The following FHIT variants were observed in gnomAD, a reference collection of about 807,000 sequenced individuals.
FHIT encodes fragile histidine triad diadenosine triphosphatase.
FHIT carries 19 observed loss-of-function variants against 17.9 expected under a neutral mutation model. The observed-to-expected ratio is 1.06, with a 90% CI of 0.74 to 1.56. FHIT has a LOEUF of 1.56. Ranked by LOEUF, FHIT falls within the 40% of genes most tolerant of loss-of-function variation. The pLI, the probability that FHIT is intolerant of heterozygous loss-of-function variation, is 0.00. For missense variants in FHIT, 248 were observed against 189.2 expected, an observed-to-expected ratio of 1.31 and a Z score of -1.82; for synonymous variants, 81 against 69.7, an observed-to-expected ratio of 1.16 and a Z score of -0.81.
At position 60,321,453 on chromosome 3, in the gene FHIT, T is replaced by A. The variant is rs1368897373; in HGVS notation, c.103+215407A>T. Among the ~76,000 whole-genome samples the A allele has an allele frequency of 2.0e-5, 3 of 151,960 alleles. No individual in the cohort carries two copies. The East Asian group carries it at 5.8e-4, about 29-fold the overall frequency. On this transcript the variant is annotated intron_variant, in intron 5 of 9. Coordinates refer to ENST00000492590, the MANE Select transcript of FHIT (RefSeq NM_002012.4). ...ACTGCACCACTGTACTCCAGCCTGG[T>A]GACAGATCAAGACTAGGTCTCAAAA... is the stretch of plus-strand genomic sequence containing the variant.
chr3:60,586,287 G>T (rs1311302464), intron 4 of FHIT, among the ~76,000 whole-genome samples: 2 of 151,974 alleles, frequency 1.3e-5, no homozygotes, highest in Non-Finnish European at 2.9e-5. Context: ...CCTCCCCCCA[G>T]TCTATTTGAT....
At chr3:60,811,001 T>C (rs1468277658) in intron 4 of FHIT, among the ~76,000 whole-genome samples, 2 of 152,218 alleles carry the variant, frequency 1.3e-5, no homozygotes, top group African/African-American at 4.8e-5. Context: ...TACTTCTCTG[T>C]GGCCTTGGTC....
intron 3 of FHIT, among the ~76,000 whole-genome samples, chr3:60,972,321 G>A (rs956316446): frequency 1.3e-5 from 2 of 152,074 alleles, no homozygotes. Flanking sequence ...TGTCCTTTTT[G>A]AAGGATGTGT....
intron 5 of FHIT, among the ~76,000 whole-genome samples, chr3:60,149,088 A>T (rs189317952): frequency 6.6e-6 from 1 of 152,308 alleles, no homozygotes; most frequent in Non-Finnish European, 1.5e-5. Context: ...CCCTTCTCGA[A>T]ACCAGCTCCT....
intron 5 of FHIT, among the ~76,000 whole-genome samples, chr3:60,159,564 C>T (rs1178075722): frequency 6.6e-6 from 1 of 152,166 alleles, no homozygotes; most frequent in South Asian, 2.1e-4. Context: ...AAAGCACACA[C>T]CTTCTTAGCA....
At position 60,575,296 on chromosome 3, in the gene FHIT, A is replaced by C. The variant is rs114632623; in HGVS notation, c.-17-38317T>G. On this transcript the variant is annotated intron_variant, in intron 4 of 9. Coordinates refer to ENST00000492590, the MANE Select transcript of FHIT (RefSeq NM_002012.4). ...ATGTCGGAAGGGATGTCTAGTTCCAAAGTGTGCTGAGATTAAGGAATTAGA... is the reference window on the plus strand; with the variant it reads ...ATGTCGGAAGGGATGTCTAGTTCCACAGTGTGCTGAGATTAAGGAATTAGA... Among the ~76,000 whole-genome samples, 807 of 152,288 alleles carry C rather than the reference A, an allele frequency of 5.3e-3. 9 individuals carry two copies. The highest frequency in any genetic ancestry group is 0.018 in the African/African-American group (759 of 41,564).
chr3:60,378,704 G>T lies in FHIT; in HGVS notation c.103+158156C>A, dbSNP rs183498075. Among the ~76,000 whole-genome samples, 5 of 152,272 alleles carry T rather than the reference G, an allele frequency of 3.3e-5. No homozygotes were observed. The East Asian group carries it at 9.7e-4, about 29-fold the overall frequency. On this transcript the variant is annotated intron_variant, in intron 5 of 9. Coordinates refer to ENST00000492590, the MANE Select transcript of FHIT (RefSeq NM_002012.4). The stretch of plus-strand genomic sequence containing the variant: ...AATTTCAAGATGGGTGTGACATTTT[G>T]CTTTTTTGTCTTCTAAAAAATGAAA...
At chr3:60,438,016 T>G (rs975687445) in intron 5 of FHIT, among the ~76,000 whole-genome samples, 5 of 152,136 alleles carry the variant, frequency 3.3e-5, no homozygotes, top group African/African-American at 1.2e-4. Flanking sequence ...TATAGTCATA[T>G]TATATAAAAA....
chr3:60,595,962 A>G (rs532846422), intron 4 of FHIT, among the ~76,000 whole-genome samples: 2 of 152,088 alleles, frequency 1.3e-5, no homozygotes, highest in Non-Finnish European at 2.9e-5. Flanking sequence ...GTCTATAGTT[A>G]ACATCCAAAT....
At chr3:60,875,673 G>C (rs1238826075) in intron 3 of FHIT, among the ~76,000 whole-genome samples, 1 of 150,136 alleles carries the variant, frequency 6.7e-6, no homozygotes, top group East Asian at 2.0e-4. Flanking sequence ...GCTCTTAGTA[G>C]ATGCCAGGCA....
intron 4 of FHIT, among the ~76,000 whole-genome samples, chr3:60,719,876 C>G (rs1553707645): frequency 6.6e-6 from 1 of 152,154 alleles, no homozygotes; most frequent in African/African-American, 2.4e-5. Flanking sequence ...TTAGTCCAAG[C>G]TGTTCTCATT....
At chr3:60,534,461 A>AAAAAAAAAAAAAAAAAAAT (rs1559519903) in intron 5 of FHIT, among the ~76,000 whole-genome samples, 1 of 77,356 alleles carries the variant, frequency 1.3e-5, no homozygotes, top group Non-Finnish European at 2.9e-5. Flanking sequence ...AAAAAAAAAA[A>AAAAAAAAAAAAAAAAAAAT]AAGATGCGTC....
chr3:60,353,423 C>T (rs1251356292), intron 5 of FHIT, among the ~76,000 whole-genome samples: 1 of 152,138 alleles, frequency 6.6e-6, no homozygotes, highest in Non-Finnish European at 1.5e-5. Flanking sequence ...AGAGTGAAAA[C>T]TGCCAAAGGG....
intron 8 of FHIT, among the ~76,000 whole-genome samples, chr3:59,808,389 ACCTGG>A (rs1449813048): frequency 2.0e-5 from 3 of 151,998 alleles, no homozygotes; most frequent in Non-Finnish European, 4.4e-5. Context: ...GGCTTTTCTG[ACCTGG>A]AGATGGAGGC....
intron 2 of FHIT, among the ~76,000 whole-genome samples, chr3:61,186,811 A>G (rs2038528596): frequency 6.6e-6 from 1 of 152,180 alleles, no homozygotes; most frequent in Admixed American, 6.5e-5. Context: ...CATAGTTGCA[A>G]GATTCAGAAC....
At chr3:60,772,298 A>G (rs2108076479) in intron 4 of FHIT, among the ~76,000 whole-genome samples, 1 of 139,604 alleles carries the variant, frequency 7.2e-6, no homozygotes, top group Admixed American at 7.3e-5. Context: ...GATTAAGTAG[A>G]TTGTTCACTT....
In FHIT at chr3:60,110,067, T is replaced by C. The variant is rs201752464; in HGVS notation, c.104-95915A>G. ...TTAGGCCTAAATTAGCCCAATGTTA[T>C]GGCTATAAAGGAAACAGGAAACCTG... is the stretch of plus-strand genomic sequence containing the variant. On this transcript the variant is annotated intron_variant, in intron 5 of 9. Transcript: ENST00000492590. Among the ~76,000 whole-genome samples, 64 of 152,298 alleles carry C rather than the reference T, an allele frequency of 4.2e-4. No individual in the cohort carries two copies. The East Asian group carries it at 0.011, about 27-fold the overall frequency.
At chr3:60,414,806 T>A (rs968378776) in intron 5 of FHIT, among the ~76,000 whole-genome samples, 1 of 152,200 alleles carries the variant, frequency 6.6e-6, no homozygotes, top group Non-Finnish European at 1.5e-5. Flanking sequence ...ATTGTAAGAA[T>A]GATCTAAATT....
At chr3:60,150,156 C>G (rs920348609) in intron 5 of FHIT, among the ~76,000 whole-genome samples, 4 of 151,718 alleles carry the variant, frequency 2.6e-5, no homozygotes, top group African/African-American at 7.3e-5. Flanking sequence ...GCCCCCCACG[C>G]CCGGCTCATT....
Sources: gnomAD v4.1 joint callset for allele counts (sites outside exome capture counted in the v4.1 genomes callset) on GRCh38, gnomAD v4.1.1 for gene constraint, MANE v1.5 for transcripts, NCBI Gene and HGNC (gene_info 2026-07-23, HGNC 2026-07-21) for gene names.